The following CERKL variants were observed in gnomAD, a reference collection of about 807,000 sequenced individuals.
The protein encoded by CERKL is ceramide kinase-like protein.
In CERKL, 61 loss-of-function variants were observed where a neutral mutation model predicts 63.4. The ratio of observed to expected loss-of-function variants is 0.96; its 90% confidence interval spans 0.78 to 1.19. The LOEUF (loss-of-function observed/expected upper bound fraction) is 1.19, where lower values mean the gene tolerates loss of function less well. Ranked by LOEUF, CERKL falls within the 50% of genes most tolerant of loss-of-function variation. The pLI, the probability that CERKL is intolerant of heterozygous loss-of-function variation, is 0.00. For missense variants in CERKL, 675 were observed against 655.5 expected (o/e 1.03, Z -0.33); for synonymous variants, 250 against 230.5 (o/e 1.08, Z -0.77).
intron 5 of CERKL, among the ~76,000 whole-genome samples, chr2:181,551,680 G>A (rs1433754518): frequency 6.6e-6 from 1 of 152,130 alleles, no homozygotes; most frequent in Admixed American, 6.6e-5. Flanking sequence ...GGAGAAATGG[G>A]AATACTTTTA....
At chr2:181,539,301 A>C (rs757529208) in intron 11 of CERKL, 37 bp from the exon 12 acceptor site, 2 of 1,345,558 alleles carry the variant, frequency 1.5e-6, no homozygotes, top group African/African-American at 2.9e-5. Flanking sequence ...TACTTGGTTT[A>C]TCTCTAGCTA....
chr2:181,648,378 G>C (rs1235251457), intron 1 of CERKL, among the ~76,000 whole-genome samples: 1 of 151,828 alleles, frequency 6.6e-6, no homozygotes, highest in Admixed American at 6.6e-5. Context: ...GGAGAGAAAG[G>C]GATAATTTAT....
At chr2:181,567,203 A>G (rs375661258) in intron 3 of CERKL, among the ~76,000 whole-genome samples, 12 of 152,282 alleles carry the variant, frequency 7.9e-5, no homozygotes, top group South Asian at 4.1e-4. Context: ...ATAAAACTAC[A>G]TATGAAACAT....
intron 2 of CERKL, among the ~76,000 whole-genome samples, chr2:181,587,728 G>T (rs563771034): frequency 1.5e-4 from 23 of 152,086 alleles, no homozygotes; most frequent in African/African-American, 5.3e-4. Flanking sequence ...TCATGAACTA[G>T]AAAATTATAA....
At chr2:181,622,861 A>T (rs1686514904) in intron 1 of CERKL, among the ~76,000 whole-genome samples, 1 of 152,210 alleles carries the variant, frequency 6.6e-6, no homozygotes, top group African/African-American at 2.4e-5. Flanking sequence ...TCTGAAGAGG[A>T]GGAAAATGAT....
intron 1 of CERKL, among the ~76,000 whole-genome samples, chr2:181,630,858 T>C (rs11891865): frequency 0.15 from 22,397 of 152,250 alleles, 1,816 homozygotes; most frequent in East Asian, 0.22. Flanking sequence ...TGACCTGTTG[T>C]CGTATTGCCA....
At chr2:181,604,226 G>A (rs757474565) in intron 1 of CERKL, 147 bp from the exon 2 acceptor site, 121 of 629,940 alleles carry the variant, frequency 1.9e-4, no homozygotes, top group Non-Finnish European at 3.0e-4. Context: ...ATACCTGGGT[G>A]ATGAAATAAT....
chr2:181,650,457 A>T (rs939411104), intron 1 of CERKL, among the ~76,000 whole-genome samples: 19 of 152,122 alleles, frequency 1.2e-4, no homozygotes, highest in Non-Finnish European at 2.2e-4. Context: ...AGGCACTACA[A>T]AATTAAGAAC....
chr2:181,618,393 T>C (rs537118297), intron 1 of CERKL, among the ~76,000 whole-genome samples: 5 of 152,002 alleles, frequency 3.3e-5, no homozygotes, highest in Admixed American at 1.3e-4. Context: ...TAATATGCAA[T>C]GAACTTACTG....
At chr2:181,561,755 C>T (rs1229049707) in intron 4 of CERKL, among the ~76,000 whole-genome samples, 3 of 152,080 alleles carry the variant, frequency 2.0e-5, no homozygotes, top group African/African-American at 4.8e-5. Flanking sequence ...GCTTCATCTA[C>T]ATAACAAGAA....
intron 2 of CERKL, among the ~76,000 whole-genome samples, chr2:181,596,887 G>A (rs1685236249): frequency 6.6e-6 from 1 of 152,206 alleles, no homozygotes; most frequent in South Asian, 2.1e-4. Flanking sequence ...TCAGGAATAA[G>A]TCCTAAGAAG....
intron 2 of CERKL, among the ~76,000 whole-genome samples, chr2:181,587,164 T>G (rs1041749744): frequency 6.6e-6 from 1 of 152,156 alleles, no homozygotes; most frequent in Non-Finnish European, 1.5e-5. Context: ...CACCTTATTA[T>G]CCACAAAAGC....
In CERKL at chr2:181,537,772, A is replaced by G; in HGVS notation, c.*412T>C. The G allele has an allele frequency of 2.2e-6, 1 of 450,748 alleles. No homozygotes were observed. The allele number at this position is 450,748 out of a possible 1,614,324, so 27.9% of individuals were successfully genotyped here. A position where few individuals can be genotyped will look rare whatever the true frequency, so the allele number is the denominator to read the frequency against. ...AGAATTTGAATTGATATCTAAAAACAGAATTTGAATTGATATTTCATCTTG... is the reference window on the plus strand; with the variant it reads ...AGAATTTGAATTGATATCTAAAAACGGAATTTGAATTGATATTTCATCTTG... On this transcript the variant is annotated 3_prime_UTR_variant, in exon 13 of 13. Transcript: ENST00000410087.
At chr2:181,639,356 C>T (rs1026067164) in intron 1 of CERKL, among the ~76,000 whole-genome samples, 21 of 152,070 alleles carry the variant, frequency 1.4e-4, no homozygotes, top group African/African-American at 4.6e-4. Context: ...GAGCTTCACC[C>T]CTCTTAGGGT....
intron 1 of CERKL, among the ~76,000 whole-genome samples, chr2:181,647,471 C>A (rs1687718904): frequency 6.6e-6 from 1 of 152,136 alleles, no homozygotes; most frequent in South Asian, 2.1e-4. Context: ...CCATCAAAAA[C>A]TCCTGCAGCC....
At chr2:181,590,968 T>G in intron 2 of CERKL, among the ~76,000 whole-genome samples, 1 of 152,090 alleles carries the variant, frequency 6.6e-6, no homozygotes, top group East Asian at 1.9e-4. Context: ...TACTGCAGCA[T>G]TATTAGTAAT....
chr2:181,556,869 A>C (rs944995044), intron 5 of CERKL, among the ~76,000 whole-genome samples: 6 of 152,174 alleles, frequency 3.9e-5, no homozygotes, highest in African/African-American at 1.4e-4. Flanking sequence ...AATAGTGTAA[A>C]AGTGTTCCTA....
chr2:181,599,265 G>A (rs1449280471), intron 2 of CERKL, among the ~76,000 whole-genome samples: 1 of 152,122 alleles, frequency 6.6e-6, no homozygotes, highest in Non-Finnish European at 1.5e-5. Flanking sequence ...GCCAGGCATG[G>A]TGGCTCACAC....
intron 11 of CERKL, among the ~76,000 whole-genome samples, chr2:181,539,868 T>C (rs1166351095): frequency 6.6e-6 from 1 of 152,200 alleles, no homozygotes; most frequent in Non-Finnish European, 1.5e-5. Context: ...CGTTTTTTCT[T>C]GTTTGCCTAA....
Sources: allele counts gnomAD v4.1 joint callset (sites outside exome capture counted in the v4.1 genomes callset), GRCh38; gene constraint gnomAD v4.1.1; transcripts MANE v1.5; gene names NCBI Gene and HGNC (gene_info 2026-07-23, HGNC 2026-07-21).